Variants in OXR1 observed in about 807,000 individuals in gnomAD.
The protein encoded by OXR1 is oxidation resistance protein 1.
A neutral mutation model predicts 104.6 loss-of-function variants in OXR1; 41 were observed. The observed-to-expected ratio is 0.39, with a 90% CI of 0.31 to 0.51. The LOEUF (loss-of-function observed/expected upper bound fraction) is 0.51. OXR1 is among the 20% of genes least tolerant of loss of function. The pLI is 0.77. For missense variants in OXR1, 955 were observed against 1,031.9 expected (o/e 0.93, Z 1.02); for synonymous variants, 348 against 348.4 (o/e 1.00, Z 0.01).
intron 11 of OXR1, among the ~76,000 whole-genome samples, chr8:106,730,231 T>C (rs1176713867): frequency 6.6e-6 from 1 of 152,158 alleles, no homozygotes; most frequent in African/African-American, 2.4e-5. Flanking sequence ...TGAACTAATA[T>C]TGATATATTG....
intron 3 of OXR1, chr8:106,604,930 C>T (rs898885276): frequency 3.3e-5 from 5 of 152,188 alleles, no homozygotes; most frequent in Admixed American, 6.5e-5. Flanking sequence ...GTGATTCACA[C>T]ATTTCTTTTC....
At chr8:106,447,124 T>C (rs1820043172) in intron 2 of OXR1, among the ~76,000 whole-genome samples, 1 of 152,218 alleles carries the variant, frequency 6.6e-6, no homozygotes, top group Non-Finnish European at 1.5e-5. Flanking sequence ...AAATTTTGTG[T>C]ATCATCATAC....
intron 2 of OXR1, among the ~76,000 whole-genome samples, chr8:106,422,731 A>T (rs1421499565): frequency 6.6e-6 from 1 of 152,102 alleles, no homozygotes; most frequent in African/African-American, 2.4e-5. Flanking sequence ...ATTACCCCAT[A>T]TTTGCAGATT....
chr8:106,335,999 G>A (rs1814946212), intron 1 of OXR1, among the ~76,000 whole-genome samples: 1 of 152,182 alleles, frequency 6.6e-6, no homozygotes, highest in South Asian at 2.1e-4. Context: ...GGGAGGCTGA[G>A]GCAGGAGAAT....
At chr8:106,348,435 G>T (rs1368296023) in intron 1 of OXR1, among the ~76,000 whole-genome samples, 1 of 152,110 alleles carries the variant, frequency 6.6e-6, no homozygotes, top group Admixed American at 6.5e-5. Context: ...AATACAGAAA[G>T]ATTCATTAAA....
intron 11 of OXR1, among the ~76,000 whole-genome samples, chr8:106,715,424 A>AAT (rs954243635): frequency 8.0e-4 from 118 of 147,988 alleles, no homozygotes; most frequent in Middle Eastern, 3.6e-3. Context: ...ATACGTATAT[A>AAT]ATATATATAT....
chr8:106,621,615 T>C (rs925333244), intron 3 of OXR1, among the ~76,000 whole-genome samples: 1 of 152,078 alleles, frequency 6.6e-6, no homozygotes, highest in African/African-American at 2.4e-5. Context: ...ATTGCAATAG[T>C]AACTATAAAA....
intron 3 of OXR1, among the ~76,000 whole-genome samples, chr8:106,523,777 ATT>A (rs34364900): frequency 6.9e-6 from 1 of 145,594 alleles, no homozygotes. Flanking sequence ...TGGAGTGGAA[ATT>A]TTTTTTTTTT....
chr8:106,700,972 TG>T (rs1830537178), intron 7 of OXR1, among the ~76,000 whole-genome samples: 2 of 152,046 alleles, frequency 1.3e-5, no homozygotes, highest in South Asian at 2.1e-4. Context: ...CCTTTAAAGT[TG>T]TTTTTTTTTA....
chr8:106,748,046 T>C (rs1388562613), intron 16 of OXR1, among the ~76,000 whole-genome samples: 1 of 152,234 alleles, frequency 6.6e-6, no homozygotes, highest in Non-Finnish European at 1.5e-5. Context: ...TATTCGCGCT[T>C]TTAAGGCTCA....
At chr8:106,287,883 A>G (rs1448836639) in intron 1 of OXR1, among the ~76,000 whole-genome samples, 1 of 152,214 alleles carries the variant, frequency 6.6e-6, no homozygotes, top group East Asian at 1.9e-4. Flanking sequence ...CTACAAGCCT[A>G]TATAGTTAAC....
chr8:106,555,495 C>A (rs1194908704), intron 3 of OXR1, among the ~76,000 whole-genome samples: 1 of 151,928 alleles, frequency 6.6e-6, no homozygotes, highest in African/African-American at 2.4e-5. Context: ...AGTTTAAGGC[C>A]CTACTAAGAG....
At chr8:106,736,771 A>C (rs536151884) in intron 11 of OXR1, among the ~76,000 whole-genome samples, 3 of 152,266 alleles carry the variant, frequency 2.0e-5, no homozygotes, top group Non-Finnish European at 4.4e-5. Context: ...TTTTCCTTTG[A>C]AAGTTAAAAT....
intron 1 of OXR1, among the ~76,000 whole-genome samples, chr8:106,344,329 TTTTTG>T (rs200352825): frequency 0.016 from 2,467 of 152,076 alleles, 155 homozygotes; most frequent in Admixed American, 0.1. Flanking sequence ...TTTGTTTTTG[TTTTTG>T]TTTTGTTTTG....
chr8:106,316,732 CTATCTATCTATCT>C (rs1563714072), intron 1 of OXR1, among the ~76,000 whole-genome samples: 1 of 116,296 alleles, frequency 8.6e-6, no homozygotes, highest in Non-Finnish European at 1.9e-5. Flanking sequence ...ATCTATCTAT[CTATCTATCTATCT>C]ATCTATCTAT....
At chr8:106,342,429 A>G (rs1388325433) in intron 1 of OXR1, among the ~76,000 whole-genome samples, 3 of 149,928 alleles carry the variant, frequency 2.0e-5, no homozygotes, top group African/African-American at 7.4e-5. Context: ...TTTTTTTTGT[A>G]ATTTTAGTAG....
intron 2 of OXR1, among the ~76,000 whole-genome samples, chr8:106,363,569 T>G (rs536941669): frequency 2.2e-4 from 34 of 152,116 alleles, no homozygotes; most frequent in African/African-American, 7.9e-4. Context: ...TTTTTTTTTT[T>G]GCAAAATTAG....
At chr8:106,649,804 C>G (rs547413041) in intron 3 of OXR1, among the ~76,000 whole-genome samples, 1 of 152,218 alleles carries the variant, frequency 6.6e-6, no homozygotes, top group Non-Finnish European at 1.5e-5. Flanking sequence ...TCACGCCATT[C>G]TCCTGCCTCA....
At position 106,683,175 on chromosome 8, in the gene OXR1, T is replaced by C. The variant is rs368490855; in HGVS notation, c.304-24T>C. The C allele has an allele frequency of 6.9e-6, 8 of 1,160,216 alleles. No homozygotes were observed. In the African/African-American group the frequency reaches 9.2e-5, roughly 13 times the overall value. 71.9% of individuals were successfully genotyped at this position (1,160,216 alleles called of 1,614,324 possible). ...AGTTTTTCTGTTTTAAACATTGAAA[T>C]AATTTATTTTTTCTTTTAAACAGGT... On this transcript the variant is annotated intron_variant, in intron 4 of 16. Transcript: ENST00000517566.
Sources: allele counts gnomAD v4.1 joint callset (sites outside exome capture counted in the v4.1 genomes callset), GRCh38; gene constraint gnomAD v4.1.1; transcripts MANE v1.5; gene names NCBI Gene and HGNC (gene_info 2026-07-23, HGNC 2026-07-21).